TAFA1: variants seen among roughly 807,000 people sequenced by gnomAD.
TAFA1 encodes the protein TAFA chemokine like family member 1.
In TAFA1, 4 loss-of-function variants were observed where a neutral mutation model predicts 18.5. The ratio of observed to expected loss-of-function variants is 0.22; its 90% CI spans 0.11 to 0.49. The LOEUF (loss-of-function observed/expected upper bound fraction) is 0.49. Ranked by LOEUF, TAFA1 falls within the 20% of genes least tolerant of loss-of-function variation. TAFA1 has a pLI of 0.98. For missense variants in TAFA1, 147 were observed against 169.0 expected, an observed-to-expected ratio of 0.87 and a Z score of 0.72; for synonymous variants, 56 against 55.2, an observed-to-expected ratio of 1.01 and a Z score of -0.06.
At chr3:68,082,692 T>C (rs184416963) in intron 2 of TAFA1, among the ~76,000 whole-genome samples, 206 of 152,338 alleles carry the variant, frequency 1.4e-3, no homozygotes, top group African/African-American at 4.7e-3. Context: ...TTATATTGTA[T>C]TATAATACTT....
At chr3:68,008,579 C>T (rs1704409787) in intron 2 of TAFA1, among the ~76,000 whole-genome samples, 1 of 152,074 alleles carries the variant, frequency 6.6e-6, no homozygotes, top group South Asian at 2.1e-4. Flanking sequence ...GAATAGCTGC[C>T]ATTGGAGGTC....
chr3:68,053,932 C>T (rs1440392516), intron 2 of TAFA1, among the ~76,000 whole-genome samples: 2 of 152,096 alleles, frequency 1.3e-5, no homozygotes, highest in African/African-American at 4.8e-5. Context: ...CTTGAACTTC[C>T]AGCCTCAAGT....
intron 2 of TAFA1, among the ~76,000 whole-genome samples, chr3:68,109,362 G>A (rs1209028867): frequency 6.6e-6 from 1 of 152,056 alleles, no homozygotes; most frequent in Non-Finnish European, 1.5e-5. Flanking sequence ...ATACTTTCAT[G>A]TGTTATCTGT....
At chr3:68,245,914 G>A (rs961213920) in intron 2 of TAFA1, among the ~76,000 whole-genome samples, 1 of 152,210 alleles carries the variant, frequency 6.6e-6, no homozygotes, top group African/African-American at 2.4e-5. Flanking sequence ...GCTCATCTAG[G>A]ACAGCCAGGG....
intron 2 of TAFA1, among the ~76,000 whole-genome samples, chr3:68,209,513 C>G (rs143511492): frequency 6.6e-6 from 1 of 151,974 alleles, no homozygotes; most frequent in Admixed American, 6.6e-5. Context: ...GGTAGCATAT[C>G]GTATTATCAT....
At chr3:68,475,486 A>C (rs1357585862) in intron 3 of TAFA1, among the ~76,000 whole-genome samples, 1 of 152,126 alleles carries the variant, frequency 6.6e-6, no homozygotes, top group African/African-American at 2.4e-5. Flanking sequence ...AAAGGACATG[A>C]GCTCATCATT....
At chr3:68,479,229 C>CAAAA (rs764971674) in intron 3 of TAFA1, among the ~76,000 whole-genome samples, 4,081 of 97,286 alleles carry the variant, frequency 0.042, 140 homozygotes, top group East Asian at 0.081. Flanking sequence ...GACTCCATCT[C>CAAAA]AAAAAAAAAA....
intron 2 of TAFA1, among the ~76,000 whole-genome samples, chr3:68,217,713 G>A (rs887957670): frequency 6.6e-6 from 1 of 151,866 alleles, no homozygotes; most frequent in African/African-American, 2.4e-5. Flanking sequence ...ATCTAATACT[G>A]CTCTAAAATA....
chr3:68,343,789 G>GA (rs1199207226), intron 2 of TAFA1, among the ~76,000 whole-genome samples: 1 of 152,110 alleles, frequency 6.6e-6, no homozygotes, highest in Non-Finnish European at 1.5e-5. Context: ...TATAGAACAA[G>GA]AAAAAAGAAT....
At chr3:68,220,515 A>G (rs547450040) in intron 2 of TAFA1, among the ~76,000 whole-genome samples, 8 of 148,184 alleles carry the variant, frequency 5.4e-5, no homozygotes, top group South Asian at 2.2e-4. Flanking sequence ...TGAAGAGAAG[A>G]AAAAAAAAAA....
chr3:68,476,004 A>G (rs998865863), intron 3 of TAFA1, among the ~76,000 whole-genome samples: 6 of 151,684 alleles, frequency 4.0e-5, no homozygotes, highest in Admixed American at 1.3e-4. Context: ...TTTTGATGGG[A>G]TTGTTTGTTT....
At chr3:68,071,606 T>A (rs2064756115) in intron 2 of TAFA1, among the ~76,000 whole-genome samples, 1 of 152,186 alleles carries the variant, frequency 6.6e-6, no homozygotes, top group Non-Finnish European at 1.5e-5. Context: ...CACTTGCTAG[T>A]TGTGCCACTT....
chr3:68,425,517 C>G (rs2106821081), intron 3 of TAFA1, among the ~76,000 whole-genome samples: 2 of 152,000 alleles, frequency 1.3e-5, no homozygotes, highest in African/African-American at 4.8e-5. Context: ...GAATCTTATG[C>G]AAATCCTCCT....
chr3:68,072,853 T>C (rs1487508016), intron 2 of TAFA1, among the ~76,000 whole-genome samples: 1 of 152,180 alleles, frequency 6.6e-6, no homozygotes, highest in South Asian at 2.1e-4. Flanking sequence ...CGTGATCTAG[T>C]AGAAACAAAA....
At chr3:68,065,733 T>C (rs1341550065) in intron 2 of TAFA1, among the ~76,000 whole-genome samples, 1 of 63,204 alleles carries the variant, frequency 1.6e-5, no homozygotes, top group Non-Finnish European at 3.1e-5. Context: ...TGTGTATGTG[T>C]GTGTGTGTAT....
upstream of TAFA1, among the ~76,000 whole-genome samples, chr3:68,002,718 T>C (rs1431213059): frequency 6.6e-6 from 1 of 152,204 alleles, no homozygotes; most frequent in African/African-American, 2.4e-5. Context: ...TGTTTAAGAA[T>C]GTACTCTTGA....
Position 68,536,294 on chromosome 3 carries a change from T to G in TAFA1, c.260-2462T>G, listed in dbSNP as rs572063590. Among the ~76,000 whole-genome samples the G allele has an allele frequency of 2.6e-5, 4 of 152,268 alleles. No homozygotes were observed. The South Asian group carries it at 8.3e-4, about 32-fold the overall frequency. Reference sequence around the variant, plus strand: ...TCTCATCCCTCTAGTGAATACTGGATAGAGAGAGAATTTTAATGTGCTCCT... The same window carrying G: ...TCTCATCCCTCTAGTGAATACTGGAGAGAGAGAGAATTTTAATGTGCTCCT... On this transcript the variant is annotated intron_variant, in intron 3 of 4. Coordinates refer to ENST00000478136, the MANE Select transcript of TAFA1 (RefSeq NM_213609.4).
intron 2 of TAFA1, among the ~76,000 whole-genome samples, chr3:68,329,261 T>C (rs527420404): frequency 9.3e-5 from 12 of 128,872 alleles, no homozygotes; most frequent in African/African-American, 3.7e-4. Context: ...AGAGACGGGG[T>C]TTCACCACGT....
chr3:68,409,585 G>A (rs2070674325), intron 2 of TAFA1, among the ~76,000 whole-genome samples: 1 of 152,154 alleles, frequency 6.6e-6, no homozygotes, highest in Non-Finnish European at 1.5e-5. Context: ...GCAGAACTGT[G>A]AGTCAGTTAA....
Sources: gnomAD v4.1 joint callset for allele counts (sites outside exome capture counted in the v4.1 genomes callset) on GRCh38, gnomAD v4.1.1 for gene constraint, MANE v1.5 for transcripts, NCBI Gene and HGNC (gene_info 2026-07-23, HGNC 2026-07-21) for gene names.